The following DNMT3A variants were observed in gnomAD, a reference collection of about 807,000 sequenced individuals.
DNMT3A encodes DNA (cytosine-5)-methyltransferase 3A.
A neutral mutation model predicts 117.6 loss-of-function variants in DNMT3A; 267 were observed. That is an observed-to-expected ratio of 2.27 (90% confidence interval 2.05 to 2.51). The LOEUF is 2.51. Among genes scored for constraint, DNMT3A ranks in the 30% most tolerant of loss-of-function variants. DNMT3A has a pLI of 0.00. For synonymous variants in DNMT3A, 432 were observed against 474.8 expected, an observed-to-expected ratio of 0.91 and a Z score of 1.17; for missense variants, 1,029 against 1,260.2, an observed-to-expected ratio of 0.82 and a Z score of 2.78.
intron 3 of DNMT3A, among the ~76,000 whole-genome samples, chr2:25,291,870 G>A (rs1325675136): frequency 1.3e-5 from 2 of 152,238 alleles, no homozygotes; most frequent in East Asian, 3.8e-4. Context: ...GTTTCCAGCG[G>A]GGACACTGGT....
In DNMT3A at chr2:25,240,320, G is replaced by T. The variant is rs1673832847; in HGVS notation, c.2304C>A (p.Asp768Glu). 6.2e-7 allele frequency: 1 copy of T among 1,614,228 alleles called. No individual in the cohort carries two copies. Among genetic ancestry groups the T allele is most frequent in the Non-Finnish European group, 8.5e-7 (1 of 1,180,048 alleles). Reference protein sequence around the residue: ...VVAMGVSDKRDISRFLESNPV... With the variant: ...VVAMGVSDKREISRFLESNPV... ...GCTATACCTCGAGAAATCGCGAGAT[G>T]TCCCTCTTGTCACTAACGCCCATGG... Residue 768 changes from aspartate to glutamate, a missense_variant, in exon 19 of 23, where the codon GAC (aspartate) becomes GAA (glutamate). Asp to Glu is a conservative substitution (Grantham distance 45, BLOSUM62 2). Coordinates refer to ENST00000321117, the MANE Select transcript of DNMT3A (RefSeq NM_022552.5).
chr2:25,234,494 C>G lies in DNMT3A; in HGVS notation c.2598-74G>C, dbSNP rs138866177. ...GCTGCCCGGAAGCCGTCTAACCACACAGCAGGACCCGGAGGACCAGCAGCC... is the reference window on the plus strand; with the variant it reads ...GCTGCCCGGAAGCCGTCTAACCACAGAGCAGGACCCGGAGGACCAGCAGCC... On this transcript the variant is annotated intron_variant, in intron 22 of 22. Transcript: ENST00000321117. This position sits in a 1 kb window ranked among gnomAD's most constrained non-coding sequence, Gnocchi z 4.5. The G allele has an allele frequency of 6.6e-7, 1 of 1,516,082 alleles. No individual in the cohort carries two copies. The highest frequency in any genetic ancestry group is 8.9e-7 in the Non-Finnish European group (1 of 1,125,422). 93.9% of individuals were successfully genotyped at this position (1,516,082 alleles called of 1,614,324 possible). A position where few individuals can be genotyped will look rare whatever the true frequency, so the allele number is the denominator to read the frequency against.
At chr2:25,288,082 C>G (rs1451180763) in intron 3 of DNMT3A, among the ~76,000 whole-genome samples, 2 of 150,474 alleles carry the variant, frequency 1.3e-5, no homozygotes, top group East Asian at 4.1e-4. Context: ...GTGATCCACC[C>G]ACCTCAGCCT....
Position 25,262,188 on chromosome 2 carries a change from CA to C in DNMT3A, c.639+12752del, listed in dbSNP as rs533414494. The stretch of plus-strand genomic sequence containing the variant: ...CTGGCGAGAGAGCAAGACTCCGTCT[CA>C]AAAAAAAAAAAAAAAAAAACCTGTC... On this transcript the variant is annotated intron_variant, in intron 6 of 22. Coordinates refer to ENST00000321117, the MANE Select transcript of DNMT3A (RefSeq NM_022552.5). 8.6e-3 allele frequency among the ~76,000 whole-genome samples: 805 copies of C among 93,722 alleles called. 7 individuals are homozygous for C. Among genetic ancestry groups the C allele is most frequent in the African/African-American group, 0.019 (460 of 24,344 alleles). 61.5% of individuals were successfully genotyped at this position (93,722 alleles called of 152,430 possible).
intron 6 of DNMT3A, among the ~76,000 whole-genome samples, chr2:25,263,602 C>T (rs943458468): frequency 6.6e-6 from 1 of 152,180 alleles, no homozygotes; most frequent in Non-Finnish European, 1.5e-5. Flanking sequence ...GGCAGACCAC[C>T]CCATATGTGA....
chr2:25,235,744 C>T lies in DNMT3A; in HGVS notation c.2560G>A (p.Glu854Lys). ...GTGCACCATAAGATGTCCTCTTTCTCATTCATGAAGACAGGAAAATGCTGG... is the reference window on the plus strand; with the variant it reads ...GTGCACCATAAGATGTCCTCTTTCTTATTCATGAAGACAGGAAAATGCTGG... ...KDQHFPVFMN[E>K]KEDILWCTEM... The change falls in exon 22 of 23, where the codon GAG (glutamate) becomes AAG (lysine). Residue 854 changes from glutamate to lysine, a missense_variant. Physicochemically the swap from Glu to Lys is moderately conservative, Grantham distance 56. Transcript: ENST00000321117. 1 of 1,614,198 alleles carries T rather than the reference C, an allele frequency of 6.2e-7. No individual in the cohort carries two copies. The highest frequency in any genetic ancestry group is 8.5e-7 in the Non-Finnish European group (1 of 1,180,018).
Position 25,314,107 on chromosome 2 carries a change from C to T in DNMT3A, c.-123G>A, listed in dbSNP as rs1029493792. The T allele has an allele frequency of 2.1e-6, 3 of 1,432,770 alleles. No homozygotes were observed. Among genetic ancestry groups the T allele is most frequent in the Non-Finnish European group, 2.7e-6 (3 of 1,096,104 alleles). The allele number at this position is 1,432,770 out of a possible 1,614,324, so 88.8% of individuals were successfully genotyped here. A position where few individuals can be genotyped will look rare whatever the true frequency, so the allele number is the denominator to read the frequency against. On this transcript the variant is annotated 5_prime_UTR_variant, in exon 2 of 23. Coordinates refer to ENST00000321117, the MANE Select transcript of DNMT3A (RefSeq NM_022552.5). ...TTAAACATAGATCCCGGTGTTGAGC[C>T]CTCTGGTGAACGGTGCCTCTGTCAG... is the stretch of plus-strand genomic sequence containing the variant.
At chr2:25,317,757 T>C (rs529797867) in intron 1 of DNMT3A, among the ~76,000 whole-genome samples, 30 of 152,318 alleles carry the variant, frequency 2.0e-4, no homozygotes, top group African/African-American at 6.7e-4. Flanking sequence ...TTTTCTGAGA[T>C]GGAGTTTCAC....
chr2:25,313,464 G>T (rs760211148), intron 2 of DNMT3A, among the ~76,000 whole-genome samples: 1 of 152,222 alleles, frequency 6.6e-6, no homozygotes, highest in Non-Finnish European at 1.5e-5. Context: ...GCGGCCTCGT[G>T]TCTGCCGTGC....
Position 25,282,516 on chromosome 2 carries a change from G to A in DNMT3A, c.373C>T (p.Leu125=). The A allele has an allele frequency of 6.2e-7, 1 of 1,613,462 alleles. No homozygotes were observed. Among genetic ancestry groups the A allele is most frequent in the East Asian group, 2.2e-5 (1 of 44,870 alleles). Residue 125 remains leucine (L), a synonymous_variant, in exon 4 of 23, where the codon CTG becomes TTG. Transcript: ENST00000321117. The surrounding 1 kb of genome is among the most constrained non-coding windows in gnomAD (Gnocchi z 5.2). ...PAEGEGAAET[L]PEASRAVENG... ...TCCACTGCTCTTGAGGCTTCAGGCA[G>A]GGTCTCAGCTGCACCCTCTCCCTCT...
At chr2:25,275,460 G>C in intron 5 of DNMT3A, 40 bp downstream of exon 5, 1 of 1,570,516 alleles carries the variant, frequency 6.4e-7, no homozygotes, top group Middle Eastern at 1.7e-4. Flanking sequence ...CCTTCTTCTA[G>C]AATCAGGATC....
At chr2:25,333,382 T>G (rs1382817578) in intron 1 of DNMT3A, among the ~76,000 whole-genome samples, 4 of 150,756 alleles carry the variant, frequency 2.7e-5, no homozygotes, top group Non-Finnish European at 5.9e-5. Context: ...CAGGCTGGAG[T>G]GCAGTGGCGC....
chr2:25,284,645 T>TAAAAAAAAAAAAAAAA (rs56901099), intron 3 of DNMT3A, among the ~76,000 whole-genome samples: 3 of 16,644 alleles, frequency 1.8e-4, no homozygotes, highest in South Asian at 2.0e-3. Context: ...AGACTCCATC[T>TAAAAAAAAAAAAAAAA]AAAAAAAAAA....
intron 1 of DNMT3A, among the ~76,000 whole-genome samples, chr2:25,323,381 G>A (rs775198106): frequency 2.0e-5 from 3 of 152,208 alleles, no homozygotes; most frequent in Non-Finnish European, 4.4e-5. Context: ...TTTGGTATGA[G>A]TCTATGACTT....
intron 2 of DNMT3A, among the ~76,000 whole-genome samples, chr2:25,310,118 G>T (rs144219183): frequency 7.2e-5 from 11 of 152,266 alleles, no homozygotes; most frequent in Middle Eastern, 3.4e-3. Flanking sequence ...GGCGTTCAAT[G>T]CATCTTAGCC....
At chr2:25,341,935 C>T, upstream of DNMT3A, 1 of 975,294 alleles carries the variant, frequency 1.0e-6, no homozygotes, top group Non-Finnish European at 1.2e-6. Flanking sequence ...CGCCCTCCCT[C>T]CCTCCCGGCC....
At chr2:25,309,869 T>C (rs1333866045) in intron 2 of DNMT3A, among the ~76,000 whole-genome samples, 1 of 151,760 alleles carries the variant, frequency 6.6e-6, no homozygotes, top group Admixed American at 6.6e-5. Flanking sequence ...CTGGCTAACA[T>C]GGTGAAACCC....
intron 6 of DNMT3A, among the ~76,000 whole-genome samples, chr2:25,268,112 C>T (rs988464251): frequency 6.6e-6 from 1 of 152,158 alleles, no homozygotes; most frequent in Non-Finnish European, 1.5e-5. Context: ...TGGGTTGTAT[C>T]TCAGTGTGGC....
intron 6 of DNMT3A, among the ~76,000 whole-genome samples, chr2:25,267,949 A>G (rs1199973969): frequency 6.6e-6 from 1 of 152,234 alleles, no homozygotes; most frequent in Non-Finnish European, 1.5e-5. Context: ...GCTGGGGTAC[A>G]GGGTAAGTGA....
Sources: gnomAD v4.1 joint callset for allele counts (sites outside exome capture counted in the v4.1 genomes callset) on GRCh38, gnomAD v4.1.1 for gene constraint, Gnocchi (gnomAD v3.1) non-coding constraint, MANE v1.5 for transcripts, NCBI Gene and HGNC (gene_info 2026-07-23, HGNC 2026-07-21) for gene names.